The following TBC1D5 variants were observed in gnomAD, a reference collection of about 807,000 sequenced individuals.
The protein encoded by TBC1D5 is TBC1 domain family member 5.
In TBC1D5, 75 loss-of-function variants were observed where a neutral mutation model predicts 100.3. The ratio of observed to expected loss-of-function variants is 0.75; its 90% CI spans 0.62 to 0.91. TBC1D5 has a LOEUF of 0.91. Ranked by LOEUF, TBC1D5 falls within the 40% of genes least tolerant of loss-of-function variation. The pLI is 0.00. For synonymous variants in TBC1D5, 323 were observed against 325.6 expected, an observed-to-expected ratio of 0.99 and a Z score of 0.09; for missense variants, 910 against 942.4, an observed-to-expected ratio of 0.97 and a Z score of 0.45.
intron 2 of TBC1D5, among the ~76,000 whole-genome samples, chr3:17,568,027 T>C (rs1414451551): frequency 1.3e-5 from 2 of 151,558 alleles, no homozygotes; most frequent in African/African-American, 2.4e-5. Flanking sequence ...CAAACTCTTC[T>C]CTTCAGAGAG....
At chr3:17,614,701 T>C (rs1250395323) in intron 2 of TBC1D5, among the ~76,000 whole-genome samples, 1 of 152,190 alleles carries the variant, frequency 6.6e-6, no homozygotes, top group African/African-American at 2.4e-5. Context: ...TACGGGTGTA[T>C]AGGAATGCCT....
In TBC1D5 at chr3:17,394,113, A is replaced by G. The variant is rs184174342; in HGVS notation, c.509+9068T>C. ...CGCAAAACAACCTCTCAAAACAAAG[A>G]ATTGGTCCAAAATGTTAATACTCCC... On this transcript the variant is annotated intron_variant, in intron 8 of 21. Transcript: ENST00000253692. Among the ~76,000 whole-genome samples, 3 of 152,170 alleles carry G rather than the reference A, an allele frequency of 2.0e-5. No individual in the cohort carries two copies. In the East Asian group the frequency reaches 5.8e-4, roughly 29 times the overall value.
chr3:17,688,888 T>C (rs964085797), intron 1 of TBC1D5, among the ~76,000 whole-genome samples: 2 of 152,250 alleles, frequency 1.3e-5, no homozygotes, highest in Non-Finnish European at 2.9e-5. Context: ...GTTACTTGTA[T>C]AATGAACACA....
At chr3:17,520,178 A>C (rs1479633619) in intron 2 of TBC1D5, among the ~76,000 whole-genome samples, 1 of 152,220 alleles carries the variant, frequency 6.6e-6, no homozygotes, top group African/African-American at 2.4e-5. Context: ...ATGATGAGGA[A>C]ACAGGCTTAT....
intron 18 of TBC1D5, among the ~76,000 whole-genome samples, chr3:17,212,230 C>T (rs942686603): frequency 3.3e-5 from 5 of 152,096 alleles, no homozygotes; most frequent in Non-Finnish European, 7.4e-5. Flanking sequence ...ATGTTTTGAT[C>T]AATGACAGAC....
At chr3:17,518,140 G>C (rs547089260) in intron 2 of TBC1D5, among the ~76,000 whole-genome samples, 2 of 152,220 alleles carry the variant, frequency 1.3e-5, no homozygotes, top group African/African-American at 4.8e-5. Context: ...GAAGTGATAG[G>C]GACCGGGGGC....
exon 17 of TBC1D5, chr3:17,238,194 T>C: frequency 1.2e-6 from 2 of 1,614,008 alleles, no homozygotes; most frequent in South Asian, 1.1e-5. Context: ...TGCTTTCTGA[T>C]TTCATCAGCC....
At chr3:17,394,035 G>T (rs551383616) in intron 8 of TBC1D5, among the ~76,000 whole-genome samples, 56 of 152,100 alleles carry the variant, frequency 3.7e-4, no homozygotes, top group Non-Finnish European at 6.2e-4. Context: ...GAGTGAACAG[G>T]CCTCACAGCT....
intron 13 of TBC1D5, among the ~76,000 whole-genome samples, chr3:17,346,333 T>A (rs898209482): frequency 6.6e-6 from 1 of 152,156 alleles, no homozygotes; most frequent in African/African-American, 2.4e-5. Context: ...TTGCTTTAAT[T>A]AGCATGGTTT....
chr3:17,240,007 C>T (rs561017963), intron 16 of TBC1D5, among the ~76,000 whole-genome samples: 1 of 152,228 alleles, frequency 6.6e-6, no homozygotes, highest in South Asian at 2.1e-4. Context: ...TTTTAATTAA[C>T]TTGATTTTTA....
intron 1 of TBC1D5, among the ~76,000 whole-genome samples, chr3:17,705,872 G>A (rs562975393): frequency 9.2e-5 from 14 of 151,942 alleles, no homozygotes; most frequent in Non-Finnish European, 1.6e-4. Context: ...CTGCAATCTC[G>A]GCACTTTGGG....
rs115853971 is a variant in TBC1D5 at position 17,493,209 on chromosome 3, T to A, written c.97+15265A>T. ...GCTTATGAAGCTCAGTTTGGCCAGATGTGAAATTGTGGGTTGGAAATTATT... is the reference window on the plus strand; with the variant it reads ...GCTTATGAAGCTCAGTTTGGCCAGAAGTGAAATTGTGGGTTGGAAATTATT... On this transcript the variant is annotated intron_variant, in intron 3 of 21. Transcript: ENST00000253692. Among the ~76,000 whole-genome samples, 642 of 152,248 alleles carry A rather than the reference T, an allele frequency of 4.2e-3. 4 individuals are homozygous for A. The highest frequency in any genetic ancestry group is 0.015 in the African/African-American group (616 of 41,534).
At chr3:17,400,519 T>A (rs1201205792) in intron 8 of TBC1D5, among the ~76,000 whole-genome samples, 1 of 152,090 alleles carries the variant, frequency 6.6e-6, no homozygotes, top group Non-Finnish European at 1.5e-5. Context: ...GAGAGAGCCA[T>A]GGGAGAGTCT....
At chr3:17,531,130 G>A (rs1166135384) in intron 2 of TBC1D5, among the ~76,000 whole-genome samples, 1 of 152,314 alleles carries the variant, frequency 6.6e-6, no homozygotes, top group East Asian at 1.9e-4. Flanking sequence ...AGCAACTTCA[G>A]GGAAGTCTCA....
At chr3:17,381,124 C>A (rs2092927818) in intron 9 of TBC1D5, among the ~76,000 whole-genome samples, 1 of 151,994 alleles carries the variant, frequency 6.6e-6, no homozygotes, top group South Asian at 2.1e-4. Context: ...ATAATAGTTT[C>A]TAATTTAGTA....
chr3:17,371,787 A>G (rs1004086094), intron 13 of TBC1D5, among the ~76,000 whole-genome samples: 2 of 152,204 alleles, frequency 1.3e-5, no homozygotes, highest in African/African-American at 2.4e-5. Context: ...GCAATGGCTC[A>G]TATCTGTAAT....
chr3:17,528,327 G>A (rs1360781494), intron 2 of TBC1D5, among the ~76,000 whole-genome samples: 1 of 152,154 alleles, frequency 6.6e-6, no homozygotes, highest in African/African-American at 2.4e-5. Flanking sequence ...GGGCTGGAGG[G>A]AACTAGCTAT....
intron 13 of TBC1D5, among the ~76,000 whole-genome samples, chr3:17,321,477 G>GT (rs1343879057): frequency 2.0e-5 from 3 of 152,160 alleles, no homozygotes; most frequent in Non-Finnish European, 4.4e-5. Context: ...ACTGCTTTTA[G>GT]TTTTAACTGC....
intron 3 of TBC1D5, among the ~76,000 whole-genome samples, chr3:17,440,321 A>C (rs1230832076): frequency 6.6e-6 from 1 of 152,160 alleles, no homozygotes; most frequent in African/African-American, 2.4e-5. Context: ...CCCAAAAAAA[A>C]ACTCAGTAAA....
Sources: gnomAD v4.1 joint callset for allele counts (sites outside exome capture counted in the v4.1 genomes callset) on GRCh38, gnomAD v4.1.1 for gene constraint, MANE v1.5 for transcripts, NCBI Gene and HGNC (gene_info 2026-07-23, HGNC 2026-07-21) for gene names.